SEMA6D: variants seen among roughly 807,000 people sequenced by gnomAD.
The protein encoded by SEMA6D is semaphorin 6D.
Under a neutral mutation model 106.6 loss-of-function variants are expected in SEMA6D, and 35 were observed. That is an observed-to-expected ratio of 0.33 (90% CI 0.25 to 0.44). The LOEUF (loss-of-function observed/expected upper bound fraction) is 0.44, where lower values mean the gene tolerates loss of function less well. Ranked by LOEUF, SEMA6D falls within the 20% of genes least tolerant of loss-of-function variation. The pLI, the probability that SEMA6D is intolerant of heterozygous loss-of-function variation, is 1.00. For synonymous variants in SEMA6D, 499 were observed against 487.7 expected (o/e 1.02, Z -0.31); for missense variants, 1,185 against 1,345.9 (o/e 0.88, Z 1.87).
chr15:47,472,128 G>A (rs1037706129), intron 3 of SEMA6D, among the ~76,000 whole-genome samples: 27 of 152,132 alleles, frequency 1.8e-4, no homozygotes, highest in Non-Finnish European at 2.9e-4. Flanking sequence ...AGCCACGCAG[G>A]ACAGCTGAAG....
intron 1 of SEMA6D, among the ~76,000 whole-genome samples, chr15:47,361,136 C>T (rs562361742): frequency 6.6e-6 from 1 of 152,262 alleles, no homozygotes; most frequent in South Asian, 2.1e-4. Flanking sequence ...TTCTTCCTTT[C>T]TTGCATCCTA....
intron 7 of SEMA6D, among the ~76,000 whole-genome samples, 178 bp from the exon 8 acceptor site, chr15:47,762,022 A>C (rs2082085571): frequency 6.6e-6 from 1 of 152,192 alleles, no homozygotes; most frequent in Non-Finnish European, 1.5e-5. Context: ...TCCCTGTAAA[A>C]TTAGATAATA....
Position 47,486,315 on chromosome 15 carries a change from A to G in SEMA6D, c.-87+15770A>G, listed in dbSNP as rs190892754. On this transcript the variant is annotated intron_variant, in intron 3 of 19. Coordinates refer to the SEMA6D transcript ENST00000558014. ...AGATGTGCACCACAAGCGGAACAAC[A>G]ATGAAAGAACTTACATAGATTTTTA... Among the ~76,000 whole-genome samples, 134 of 152,348 alleles carry G rather than the reference A, an allele frequency of 8.8e-4. 1 individual carries two copies. The highest frequency in any genetic ancestry group is 7.5e-3 in the Admixed American group (115 of 15,300).
chr15:47,756,744 T>C (rs2081764910), intron 1 of SEMA6D, among the ~76,000 whole-genome samples: 2 of 152,262 alleles, frequency 1.3e-5, no homozygotes, highest in South Asian at 2.1e-4. Context: ...AAGTCAGAGC[T>C]AAGTAGTCTG....
At chr15:47,523,955 T>C (rs1177726414) in intron 3 of SEMA6D, among the ~76,000 whole-genome samples, 1 of 152,184 alleles carries the variant, frequency 6.6e-6, no homozygotes, top group Non-Finnish European at 1.5e-5. Flanking sequence ...ACAAAGCGGT[T>C]TCATTTGGCC....
At chr15:47,562,656 C>T (rs145878013) in intron 3 of SEMA6D, among the ~76,000 whole-genome samples, 1,569 of 151,986 alleles carry the variant, frequency 0.01, 10 homozygotes, top group Admixed American at 0.021. Flanking sequence ...AAGAGATACA[C>T]GCTAGAATGA....
At chr15:47,755,684 T>C (rs1030127702) in intron 1 of SEMA6D, among the ~76,000 whole-genome samples, 2 of 152,012 alleles carry the variant, frequency 1.3e-5, no homozygotes, top group Non-Finnish European at 2.9e-5. Context: ...GCCCAAATGA[T>C]AGCCTTTGGT....
intron 1 of SEMA6D, among the ~76,000 whole-genome samples, chr15:47,340,555 C>T (rs1215376670): frequency 1.3e-5 from 2 of 152,072 alleles, no homozygotes; most frequent in Non-Finnish European, 2.9e-5. Flanking sequence ...ATTTTACATT[C>T]ATAGTTAAAA....
At chr15:47,640,478 A>G (rs2077468337) in intron 4 of SEMA6D, among the ~76,000 whole-genome samples, 1 of 152,270 alleles carries the variant, frequency 6.6e-6, no homozygotes, top group East Asian at 1.9e-4. Context: ...GCTTGAACGG[A>G]GCTCAAAGAA....
intron 1 of SEMA6D, among the ~76,000 whole-genome samples, chr15:47,408,169 A>G (rs1486227850): frequency 6.6e-6 from 1 of 152,100 alleles, no homozygotes; most frequent in Non-Finnish European, 1.5e-5. Flanking sequence ...CTACCTTGGC[A>G]TGTTCTGGCA....
At chr15:47,694,541 C>A (rs2078659853) in intron 4 of SEMA6D, among the ~76,000 whole-genome samples, 2 of 152,052 alleles carry the variant, frequency 1.3e-5, no homozygotes, top group Non-Finnish European at 2.9e-5. Flanking sequence ...CCCTCTTCAA[C>A]TAATTCAGGG....
chr15:47,508,755 G>C (rs2044133121), intron 3 of SEMA6D, among the ~76,000 whole-genome samples: 1 of 152,220 alleles, frequency 6.6e-6, no homozygotes, highest in South Asian at 2.1e-4. Context: ...CATAAATGCT[G>C]ATTCTTGGCC....
intron 1 of SEMA6D, among the ~76,000 whole-genome samples, chr15:47,355,562 G>C (rs1039412813): frequency 1.3e-5 from 2 of 152,188 alleles, no homozygotes; most frequent in African/African-American, 4.8e-5. Context: ...TACCATCGTA[G>C]TCTTTCTAGA....
At chr15:47,766,740 T>A in intron 16 of SEMA6D, 63 bp downstream of exon 16, 1 of 1,102,830 alleles carries the variant, frequency 9.1e-7, no homozygotes, top group Non-Finnish European at 1.4e-6. Flanking sequence ...ACGTCGACAT[T>A]ATTTTACAAT....
chr15:47,681,539 TAGAG>T (rs2078353154), intron 4 of SEMA6D, among the ~76,000 whole-genome samples: 1 of 152,206 alleles, frequency 6.6e-6, no homozygotes, highest in African/African-American at 2.4e-5. Flanking sequence ...ACATTGTACT[TAGAG>T]ATAGCAATAC....
Position 47,383,644 on chromosome 15 carries a change from GGCA to G in SEMA6D, c.-238-28748_-238-28746del, listed in dbSNP as rs2039720215. Reference sequence around the variant, plus strand: ...ATGCTTTACCAGTTTTAACTCATAAGGCATAAGGACCCTGAGTTAAATATTAAA... The same window carrying G: ...ATGCTTTACCAGTTTTAACTCATAAGTAAGGACCCTGAGTTAAATATTAAA... On this transcript the variant is annotated intron_variant, in intron 1 of 19. Coordinates refer to the SEMA6D transcript ENST00000558014. Among the ~76,000 whole-genome samples the G allele has an allele frequency of 4.3e-5, 4 of 93,198 alleles. No homozygotes were observed. The South Asian group carries it at 1.0e-3, about 23-fold the overall frequency. The allele number at this position is 93,198 out of a possible 152,430, so 61.1% of individuals were successfully genotyped here.
At chr15:47,550,274 T>A (rs1372134747) in intron 3 of SEMA6D, among the ~76,000 whole-genome samples, 1 of 152,186 alleles carries the variant, frequency 6.6e-6, no homozygotes, top group African/African-American at 2.4e-5. Flanking sequence ...CATTTTTTAA[T>A]GTTAATGGTA....
At chr15:47,384,831 TTTTTTTTTTTTTTTG>T (rs1403291753) in intron 1 of SEMA6D, among the ~76,000 whole-genome samples, 1 of 144,966 alleles carries the variant, frequency 6.9e-6, no homozygotes, top group Non-Finnish European at 1.5e-5. Flanking sequence ...TTTTTTTTTT[TTTTTTTTTTTTTTTG>T]TAAGAAAAAG....
intron 3 of SEMA6D, among the ~76,000 whole-genome samples, chr15:47,571,801 T>C (rs2046390214): frequency 6.6e-6 from 1 of 152,186 alleles, no homozygotes; most frequent in Non-Finnish European, 1.5e-5. Context: ...AAAATGTGGG[T>C]CTCAAAATTT....
Sources: gnomAD v4.1 joint callset for allele counts (sites outside exome capture counted in the v4.1 genomes callset) on GRCh38, gnomAD v4.1.1 for gene constraint, MANE v1.5 for transcripts, NCBI Gene and HGNC (gene_info 2026-07-23, HGNC 2026-07-21) for gene names.